Variants in ZNF346 observed in about 807,000 individuals in gnomAD.
The protein encoded by ZNF346 is zinc finger protein 346.
In ZNF346, 23 loss-of-function variants were observed where a neutral mutation model predicts 33.7. The ratio of observed to expected loss-of-function variants is 0.68; its 90% CI spans 0.49 to 0.97. ZNF346 has a LOEUF of 0.97. Among genes scored for constraint, ZNF346 ranks in the 50% least tolerant of loss-of-function variants. The probability of loss-of-function intolerance (pLI) is 0.00; values close to 1 mark genes in which losing one functional copy is unlikely to be tolerated. For synonymous variants in ZNF346, 134 were observed against 142.4 expected, an observed-to-expected ratio of 0.94 and a Z score of 0.42; for missense variants, 340 against 371.1, an observed-to-expected ratio of 0.92 and a Z score of 0.69.
intron 5 of ZNF346, among the ~76,000 whole-genome samples, chr5:177,058,036 GTC>G (rs1781979885): frequency 6.6e-6 from 1 of 150,760 alleles, no homozygotes; most frequent in African/African-American, 2.4e-5. Flanking sequence ...GGCCATGCTG[GTC>G]TCAGACTCCT....
At position 177,064,662 on chromosome 5, in the gene ZNF346, G is replaced by A. The variant is rs1782980240; in HGVS notation, c.*63G>A. 7.4e-7 allele frequency: 1 copy of A among 1,342,466 alleles called. No homozygotes were observed. The highest frequency in any genetic ancestry group is 1.1e-6 in the Non-Finnish European group (1 of 932,874). The allele number at this position is 1,342,466 out of a possible 1,614,324, so 83.2% of individuals were successfully genotyped here. ...TGAGCCAGCTTCCCGTGACTGCTCA[G>A]CCCTTGGCTCCCTCTTGCTCGTTGT... On this transcript the variant is annotated 3_prime_UTR_variant, in exon 7 of 7. Coordinates refer to ENST00000358149, the MANE Select transcript of ZNF346 (RefSeq NM_012279.4).
intron 1 of ZNF346, 172 bp downstream of exon 1, chr5:177,023,085 C>T: frequency 6.9e-7 from 1 of 1,448,940 alleles, no homozygotes; most frequent in Non-Finnish European, 9.4e-7. Context: ...ATCGGGCCCC[C>T]AGCGCGCTGA....
chr5:177,051,358 G>A lies in ZNF346; in HGVS notation c.703+422G>A, dbSNP rs570467229. Among the ~76,000 whole-genome samples, 5 of 151,302 alleles carry A rather than the reference G, an allele frequency of 3.3e-5. No individual in the cohort carries two copies. In the South Asian group the frequency reaches 1.0e-3, roughly 32 times the overall value. On this transcript the variant is annotated intron_variant, in intron 5 of 6. Transcript: ENST00000358149. ...CCCAGCTAATTTTTTTGTATTTTTAGTAGAGACGGGGTTTCACCATGTTAG... is the reference window on the plus strand; with the variant it reads ...CCCAGCTAATTTTTTTGTATTTTTAATAGAGACGGGGTTTCACCATGTTAG...
At chr5:177,046,224 C>T (rs1424463804) in intron 4 of ZNF346, among the ~76,000 whole-genome samples, 1 of 151,716 alleles carries the variant, frequency 6.6e-6, no homozygotes, top group Admixed American at 6.6e-5. Context: ...TCGCTTGAAC[C>T]CGGGAGCTGG....
At position 177,066,609 on chromosome 5, in the gene ZNF346, T is replaced by G. The variant is rs902710648; in HGVS notation, c.*2010T>G. Among the ~76,000 whole-genome samples the G allele has an allele frequency of 6.6e-6, 1 of 151,986 alleles. No individual in the cohort carries two copies. Among genetic ancestry groups the G allele is most frequent in the East Asian group, 1.9e-4 (1 of 5,186 alleles). ...ATGGCCAGGTGCGGCGTCATGCACC[T>G]ATAGTCCCAGCTGCTCAGGAGGCTA... On this transcript the variant is annotated 3_prime_UTR_variant, in exon 7 of 7. Coordinates refer to ENST00000358149, the MANE Select transcript of ZNF346 (RefSeq NM_012279.4).
rs1782961369 is a variant in ZNF346 at position 177,064,557 on chromosome 5, A to G, written c.843A>G (p.Gln281=). 1 of 1,614,090 alleles carries G rather than the reference A, an allele frequency of 6.2e-7. No homozygotes were observed. The highest frequency in any genetic ancestry group is 8.5e-7 in the Non-Finnish European group (1 of 1,180,046). Residue 281 remains glutamine, a synonymous_variant, in exon 7 of 7, where the codon CAA becomes CAG. Coordinates refer to ENST00000358149, the MANE Select transcript of ZNF346 (RefSeq NM_012279.4). ...CATCCCTGGGCCAGATTCCAATGCA[A>G]AGGCAACCCATTCAGAAAGACTCAA... ...VASSLGQIPM[Q]RQPIQKDSTT...
At chr5:177,040,191 A>AC (rs1303445257) in intron 1 of ZNF346, among the ~76,000 whole-genome samples, 114 of 151,344 alleles carry the variant, frequency 7.5e-4, no homozygotes, top group African/African-American at 2.6e-3. Context: ...AAAAAAAAAA[A>AC]AAACAAACAA....
intron 4 of ZNF346, among the ~76,000 whole-genome samples, chr5:177,049,459 G>A (rs1036098559): frequency 1.3e-5 from 2 of 152,212 alleles, no homozygotes; most frequent in South Asian, 2.1e-4. Context: ...TTAGTGAGTC[G>A]TGGCATCCGC....
chr5:177,030,529 G>A (rs1329242172), intron 1 of ZNF346, among the ~76,000 whole-genome samples: 2 of 151,764 alleles, frequency 1.3e-5, no homozygotes, highest in Non-Finnish European at 2.9e-5. Flanking sequence ...GGATGGTCTC[G>A]ATTTCCTGAC....
chr5:177,038,440 C>A (rs1041603409), intron 1 of ZNF346, among the ~76,000 whole-genome samples: 4 of 150,780 alleles, frequency 2.7e-5, no homozygotes, highest in African/African-American at 9.8e-5. Flanking sequence ...AACTCTCCTG[C>A]CCCGTCATTC....
intron 1 of ZNF346, among the ~76,000 whole-genome samples, chr5:177,032,846 A>G (rs911078611): frequency 6.6e-5 from 10 of 152,180 alleles, no homozygotes; most frequent in Admixed American, 6.5e-4. Context: ...ACTTGAGGCC[A>G]GGAGTCTGAA....
At chr5:177,032,202 C>T (rs990010285) in intron 1 of ZNF346, among the ~76,000 whole-genome samples, 1 of 151,836 alleles carries the variant, frequency 6.6e-6, no homozygotes, top group African/African-American at 2.4e-5. Context: ...TGGAGTTTCA[C>T]TATGTTGGTC....
rs959211019 is a variant in ZNF346, at chr5:177,041,343, C to T, written c.279+114C>T. 5 of 815,576 alleles carry T rather than the reference C, an allele frequency of 6.1e-6. No homozygotes were observed. The South Asian group carries it at 7.7e-5, about 13-fold the overall frequency. The allele number at this position is 815,576 out of a possible 1,614,324, so 50.5% of individuals were successfully genotyped here. ...TGCTGCTTAGCCACCCAGATGTTGC[C>T]TCCATGCATGTTGGCTTGTGACTTG... On this transcript the variant is annotated intron_variant, in intron 2 of 6. Coordinates refer to ENST00000358149, the MANE Select transcript of ZNF346 (RefSeq NM_012279.4).
downstream of ZNF346, among the ~76,000 whole-genome samples, chr5:177,071,839 T>C (rs1440285881): frequency 6.6e-6 from 1 of 152,084 alleles, no homozygotes; most frequent in Non-Finnish European, 1.5e-5. Context: ...TGACCATCCA[T>C]CCACCTAACC....
chr5:177,069,452 CA>C (rs71299775), downstream of ZNF346, among the ~76,000 whole-genome samples: 28 of 143,176 alleles, frequency 2.0e-4, no homozygotes, highest in South Asian at 2.2e-4. Flanking sequence ...GACTCTGTCT[CA>C]AAAAAAAAAA....
At chr5:177,060,747 G>T (rs1294699421) in intron 5 of ZNF346, among the ~76,000 whole-genome samples, 1 of 151,958 alleles carries the variant, frequency 6.6e-6, no homozygotes, top group African/African-American at 2.4e-5. Context: ...GGCAGAGGTT[G>T]CAGGGAGCAG....
intron 1 of ZNF346, among the ~76,000 whole-genome samples, chr5:177,030,631 A>G (rs890397988): frequency 6.6e-6 from 1 of 151,880 alleles, no homozygotes; most frequent in African/African-American, 2.4e-5. Flanking sequence ...TAACAGCTTT[A>G]TTGACGTAAA....
chr5:177,071,300 T>C (rs1783486563), downstream of ZNF346, among the ~76,000 whole-genome samples: 1 of 151,182 alleles, frequency 6.6e-6, no homozygotes, highest in Non-Finnish European at 1.5e-5. Context: ...CTCGGGAGGC[T>C]GAGGCAGGAG....
intron 1 of ZNF346, 101 bp from the exon 2 acceptor site, chr5:177,041,025 G>T: frequency 5.7e-6 from 5 of 878,028 alleles, no homozygotes; most frequent in South Asian, 1.5e-5. Context: ...TCCTAGTATG[G>T]CATCCCATCA....
Sources: gnomAD v4.1 joint callset for allele counts (sites outside exome capture counted in the v4.1 genomes callset) on GRCh38, gnomAD v4.1.1 for gene constraint, MANE v1.5 for transcripts, NCBI Gene and HGNC (gene_info 2026-07-23, HGNC 2026-07-21) for gene names.